KLF12: variants seen among roughly 807,000 people sequenced by gnomAD.
KLF12 encodes KLF transcription factor 12, also known as Krueppel-like factor 12.
Under a neutral mutation model 37.8 loss-of-function variants are expected in KLF12, and 9 were observed. The observed-to-expected ratio is 0.24, with a 90% CI of 0.14 to 0.42. The LOEUF is 0.42. Among genes scored for constraint, KLF12 ranks in the 10% least tolerant of loss-of-function variants. The pLI is 1.00. For missense variants in KLF12, 411 were observed against 516.0 expected (o/e 0.80, Z 1.97); for synonymous variants, 208 against 202.1 (o/e 1.03, Z -0.25).
At chr13:74,289,109 G>C in the KLF12 span, 1 of 152,004 alleles carries the variant, frequency 6.6e-6, no homozygotes, top group East Asian at 1.9e-4. Context: ...TTTAAGACTA[G>C]TCAAGTGCAG....
chr13:73,911,932 G>A (rs369512905), intron 3 of KLF12, among the ~76,000 whole-genome samples: 20 of 152,148 alleles, frequency 1.3e-4, no homozygotes, highest in African/African-American at 4.8e-4. Flanking sequence ...TTATGTTTCT[G>A]TAGGATACAA....
intron 5 of KLF12, among the ~76,000 whole-genome samples, chr13:73,810,982 C>CTTTTTTT (rs376490803): frequency 6.7e-5 from 3 of 44,808 alleles, no homozygotes; most frequent in East Asian, 9.6e-4. Flanking sequence ...ATTTTTCTTT[C>CTTTTTTT]TTTTTTTTTT....
At chr13:73,873,163 G>T (rs1566430644) in intron 3 of KLF12, among the ~76,000 whole-genome samples, 2 of 151,906 alleles carry the variant, frequency 1.3e-5, no homozygotes, top group African/African-American at 2.4e-5. Context: ...CATAATCGAT[G>T]ATCTATTTGA....
At chr13:74,279,396 C>T in the KLF12 span, among the ~76,000 whole-genome samples, 1 of 152,046 alleles carries the variant, frequency 6.6e-6, no homozygotes, top group Non-Finnish European at 1.5e-5. Context: ...TGTAACTCCC[C>T]AAAACTAACC....
Position 73,773,870 on chromosome 13 carries a change from C to A in KLF12, c.807-8870G>T, listed in dbSNP as rs573029883. 2.6e-5 allele frequency among the ~76,000 whole-genome samples: 4 copies of A among 152,248 alleles called. No individual in the cohort carries two copies. In the South Asian group the frequency reaches 6.2e-4, roughly 24 times the overall value. On this transcript the variant is annotated intron_variant, in intron 5 of 7. Transcript: ENST00000377669. ...TGCTGGTCCTTTTATTCACAGCCCC[C>A]CTTACCAGCCCCACCTAGTTTACTC...
the KLF12 span, among the ~76,000 whole-genome samples, chr13:74,152,603 C>T: frequency 0.04 from 6,073 of 152,202 alleles, 163 homozygotes; most frequent in Middle Eastern, 0.1. Context: ...AAAAAATCAG[C>T]TGTGTGCTGT....
At chr13:74,256,006 T>A in the KLF12 span, among the ~76,000 whole-genome samples, 1 of 151,748 alleles carries the variant, frequency 6.6e-6, no homozygotes, top group Admixed American at 6.6e-5. Context: ...ATACAAAAAA[T>A]TAGCCAGGCG....
At chr13:73,735,402 T>C (rs987089559) in intron 6 of KLF12, among the ~76,000 whole-genome samples, 10 of 152,164 alleles carry the variant, frequency 6.6e-5, no homozygotes, top group African/African-American at 2.4e-4. Context: ...AGTCGGTGCC[T>C]CCATTATGTT....
At chr13:73,873,524 A>G (rs1886569590) in intron 3 of KLF12, among the ~76,000 whole-genome samples, 4 of 152,160 alleles carry the variant, frequency 2.6e-5, no homozygotes, top group Admixed American at 2.0e-4. Flanking sequence ...AATGACCAAA[A>G]CTACATTTTA....
chr13:74,140,940 C>T, the KLF12 span, among the ~76,000 whole-genome samples: 1 of 19,694 alleles, frequency 5.1e-5, no homozygotes, highest in Non-Finnish European at 1.3e-4. Flanking sequence ...CCTGTAATCC[C>T]AGCTACTCGG....
At chr13:74,164,045 C>T in the KLF12 span, among the ~76,000 whole-genome samples, 1 of 152,048 alleles carries the variant, frequency 6.6e-6, no homozygotes, top group African/African-American at 2.4e-5. Flanking sequence ...CTGGCCATTG[C>T]TTTCTAGTGA....
At position 73,753,049 on chromosome 13, in the gene KLF12, GCCT is replaced by G. The variant is rs1181227957; in HGVS notation, c.869+11886_869+11888del. On this transcript the variant is annotated intron_variant, in intron 6 of 7. Coordinates refer to ENST00000377669, the MANE Select transcript of KLF12 (RefSeq NM_007249.5). ...TTACAGGTGTGAGCCACCATGCCCAGCCTCCTTCCACACTCTTACAGCCCTTTC... is the reference window on the plus strand; with the variant it reads ...TTACAGGTGTGAGCCACCATGCCCAGCCTTCCACACTCTTACAGCCCTTTC... Among the ~76,000 whole-genome samples the G allele has an allele frequency of 3.3e-5, 5 of 151,774 alleles. No homozygotes were observed. The East Asian group carries it at 9.7e-4, about 29-fold the overall frequency.
At chr13:74,275,891 TTC>T in the KLF12 span, among the ~76,000 whole-genome samples, 5 of 116,516 alleles carry the variant, frequency 4.3e-5, no homozygotes, top group African/African-American at 2.0e-4. Flanking sequence ...CTTTCTTTCT[TTC>T]TTTCTTTCTT....
chr13:74,073,101 T>A (rs945058294), intron 1 of KLF12, among the ~76,000 whole-genome samples: 1 of 152,188 alleles, frequency 6.6e-6, no homozygotes, highest in Non-Finnish European at 1.5e-5. Flanking sequence ...GTGTCTTTGC[T>A]CCTCCTTTGC....
At chr13:73,863,537 T>C (rs1336341554) in intron 3 of KLF12, among the ~76,000 whole-genome samples, 1 of 152,118 alleles carries the variant, frequency 6.6e-6, no homozygotes, top group Non-Finnish European at 1.5e-5. Context: ...TTAGTTGTGG[T>C]TGTTATTTTT....
At chr13:74,273,390 A>C in the KLF12 span, among the ~76,000 whole-genome samples, 1 of 151,874 alleles carries the variant, frequency 6.6e-6, no homozygotes, top group Non-Finnish European at 1.5e-5. Flanking sequence ...TGCTGCCTTG[A>C]AAAATGATTA....
intron 4 of KLF12, among the ~76,000 whole-genome samples, chr13:73,818,311 A>G (rs546175546): frequency 3.2e-4 from 49 of 152,334 alleles, no homozygotes; most frequent in African/African-American, 1.2e-3. Flanking sequence ...GCGCCGGCCG[A>G]ACACTTTTTC....
chr13:74,252,521 T>C, the KLF12 span, among the ~76,000 whole-genome samples: 4 of 152,190 alleles, frequency 2.6e-5, no homozygotes, highest in Non-Finnish European at 4.4e-5. Context: ...CCAGATTCCA[T>C]GTTCCTCATT....
At chr13:73,813,069 T>C in intron 5 of KLF12, 83 bp downstream of exon 5, 1 of 1,450,666 alleles carries the variant, frequency 6.9e-7, no homozygotes, top group Admixed American at 1.8e-5. Context: ...ATGACATGGC[T>C]GGGGGACAGG....
Sources: allele counts gnomAD v4.1 joint callset (sites outside exome capture counted in the v4.1 genomes callset), GRCh38; gene constraint gnomAD v4.1.1; transcripts MANE v1.5; gene names NCBI Gene and HGNC (gene_info 2026-07-23, HGNC 2026-07-21).